The following MYO5B variants were observed in gnomAD, a reference collection of about 807,000 sequenced individuals.
MYO5B encodes the protein unconventional myosin-Vb.
MYO5B carries 143 observed loss-of-function variants against 229.3 expected under a neutral mutation model. That is an observed-to-expected ratio of 0.62 (90% CI 0.54 to 0.72). The LOEUF is 0.72. Among genes scored for constraint, MYO5B ranks in the 30% least tolerant of loss-of-function variants. MYO5B has a pLI of 0.00. For missense variants in MYO5B, 2,321 were observed against 2,331.0 expected, an observed-to-expected ratio of 1.00 and a Z score of 0.09; for synonymous variants, 918 against 885.2, an observed-to-expected ratio of 1.04 and a Z score of -0.66.
chr18:50,164,607 T>G (rs1179070518), intron 1 of MYO5B, among the ~76,000 whole-genome samples: 3 of 152,002 alleles, frequency 2.0e-5, no homozygotes, highest in African/African-American at 7.3e-5. Context: ...TTTAATCAAG[T>G]GTCAGGATAC....
intron 16 of MYO5B, among the ~76,000 whole-genome samples, chr18:49,935,766 T>C (rs956883755): frequency 3.1e-4 from 47 of 151,958 alleles, no homozygotes; most frequent in African/African-American, 1.0e-3. Flanking sequence ...TCAGAGTAGG[T>C]TGAGGAGTGA....
chr18:49,995,697 C>G (rs922999493), intron 5 of MYO5B, among the ~76,000 whole-genome samples: 10 of 152,186 alleles, frequency 6.6e-5, no homozygotes, highest in African/African-American at 2.4e-4. Context: ...GGGGACGTTT[C>G]TCTGCACAGA....
intron 16 of MYO5B, 56 bp from the exon 17 acceptor site, chr18:49,929,654 T>C: frequency 2.8e-6 from 4 of 1,452,946 alleles, no homozygotes; most frequent in Middle Eastern, 2.0e-4. Context: ...TGGCCACATT[T>C]GCAAAAAAGA....
Position 49,878,976 on chromosome 18 carries a change from T to G in MYO5B, c.3245A>C (p.Asp1082Ala). 1 of 1,614,182 alleles carries G rather than the reference T, an allele frequency of 6.2e-7. No individual in the cohort carries two copies. The highest frequency in any genetic ancestry group is 8.5e-7 in the Non-Finnish European group (1 of 1,180,018). The change falls in exon 24 of 40, where the codon GAC becomes GCC. Residue 1082 changes from aspartate to alanine, a missense_variant. Asp to Ala is a moderately radical substitution (Grantham distance 126). This residue lies in a region of MYO5B where 2,113 missense variants were observed against 2,044.7 expected (regional missense o/e 1.03). Transcript: ENST00000285039. ...GATGGTCATTTCATCCCGAAGGTTG[T>G]CGTATCTCTGCTCCAACTGTGAATA... ...KEYSQLEQRY[D>A]NLRDEMTIIK... is the part of the protein sequence containing the mutation.
chr18:50,098,553 A>T (rs543709936), intron 1 of MYO5B, among the ~76,000 whole-genome samples: 77 of 152,340 alleles, frequency 5.1e-4, no homozygotes, highest in African/African-American at 1.7e-3. Flanking sequence ...GAAAAGGTAA[A>T]TGTCCAACTG....
intron 1 of MYO5B, among the ~76,000 whole-genome samples, chr18:50,155,992 AGTC>A (rs2032672499): frequency 6.6e-6 from 1 of 152,244 alleles, no homozygotes; most frequent in South Asian, 2.1e-4. Flanking sequence ...GGCCTGCCAC[AGTC>A]GTGCACAATG....
chr18:50,129,862 T>C (rs2032226398), intron 1 of MYO5B, among the ~76,000 whole-genome samples: 1 of 152,230 alleles, frequency 6.6e-6, no homozygotes, highest in African/African-American at 2.4e-5. Context: ...GGGCTTTGTT[T>C]TGTCTCCTGA....
Position 49,856,738 on chromosome 18 carries a change from T to C in MYO5B, c.4022+75A>G. On this transcript the variant is annotated intron_variant, in intron 30 of 39. Coordinates refer to ENST00000285039, the MANE Select transcript of MYO5B (RefSeq NM_001080467.3). ...CCCGTGCTCTCGCACCCACTGTAGC[T>C]GAAAAACGGTTAAGCATAGACATGA... 2.3e-6 allele frequency: 3 copies of C among 1,294,672 alleles called. No individual in the cohort carries two copies. The South Asian group carries it at 3.6e-5, about 15-fold the overall frequency. The allele number at this position is 1,294,672 out of a possible 1,614,324, so 80.2% of individuals were successfully genotyped here. A position where few individuals can be genotyped will look rare whatever the true frequency, so the allele number is the denominator to read the frequency against.
Position 49,984,743 on chromosome 18 carries a change from C to A in MYO5B, c.921G>T (p.Lys307Asn), listed in dbSNP as rs17659179. 91,202 of 1,612,904 alleles carry A rather than the reference C, an allele frequency of 0.057. 2,840 individuals are homozygous for A. The highest frequency in any genetic ancestry group is 0.063 in the Non-Finnish European group (74,789 of 1,178,888). ...EGVDDAEDFE[K>N]TRQAFTLLGV... ...CGAGGAGTGTGAAGGCTTGTCGAGT[C>A]TTCTCAAAGTCCTCAGCATCGTCCA... Residue 307 changes from lysine to asparagine, a missense_variant, in exon 8 of 40, where the codon AAG (lysine) becomes AAT (asparagine). By Grantham distance (94) the Lys-to-Asn change is moderately conservative. Coordinates refer to ENST00000285039, the MANE Select transcript of MYO5B (RefSeq NM_001080467.3).
chr18:50,144,982 A>G (rs2032476873), intron 1 of MYO5B, among the ~76,000 whole-genome samples: 3 of 152,122 alleles, frequency 2.0e-5, no homozygotes, highest in South Asian at 4.1e-4. Flanking sequence ...AGGGCTCAAT[A>G]CAGGCCTTGA....
intron 1 of MYO5B, among the ~76,000 whole-genome samples, chr18:50,084,790 C>G (rs918729464): frequency 6.6e-6 from 1 of 152,080 alleles, no homozygotes; most frequent in African/African-American, 2.4e-5. Context: ...CTTTGACAAA[C>G]CTGAGAAAAA....
At chr18:50,086,961 C>T (rs886548751) in intron 1 of MYO5B, among the ~76,000 whole-genome samples, 6 of 152,124 alleles carry the variant, frequency 3.9e-5, no homozygotes, top group East Asian at 1.9e-4. Flanking sequence ...ATCCCCAAAT[C>T]GGACTGACTG....
intron 12 of MYO5B, among the ~76,000 whole-genome samples, chr18:49,956,308 T>C (rs996814493): frequency 1.3e-5 from 2 of 152,250 alleles, no homozygotes; most frequent in Non-Finnish European, 2.9e-5. Flanking sequence ...CTAGGTGCTA[T>C]GTTTGTAAAC....
At chr18:50,006,941 C>T (rs992981501) in intron 4 of MYO5B, among the ~76,000 whole-genome samples, 4 of 152,176 alleles carry the variant, frequency 2.6e-5, no homozygotes, top group Admixed American at 1.3e-4. Context: ...AGAACCCACA[C>T]GGCAGCACTA....
chr18:49,900,000 A>T (rs2024823008), intron 21 of MYO5B, among the ~76,000 whole-genome samples: 1 of 152,028 alleles, frequency 6.6e-6, no homozygotes, highest in African/African-American at 2.4e-5. Flanking sequence ...AAAATGCTAG[A>T]TTTATTTTTA....
chr18:50,069,014 T>C (rs2030889052), intron 1 of MYO5B, among the ~76,000 whole-genome samples: 1 of 152,072 alleles, frequency 6.6e-6, no homozygotes, highest in African/African-American at 2.4e-5. Flanking sequence ...GTTTAGTGCT[T>C]TGTTTTCAGA....
Position 49,912,159 on chromosome 18 carries a change from T to C in MYO5B, c.2105A>G (p.Asp702Gly). 6.2e-7 allele frequency: 1 copy of C among 1,613,904 alleles called. No individual in the cohort carries two copies. Among genetic ancestry groups the C allele is most frequent in the South Asian group, 1.1e-5 (1 of 91,062 alleles). Residue 702 changes from aspartate to glycine, a missense_variant, in exon 18 of 40, where the codon GAC becomes GGC. Physicochemically the swap from Asp to Gly is moderately conservative, Grantham distance 94 (BLOSUM62 -1). Transcript: ENST00000285039. ...AGYPSRWAYH[D>G]FFNRYRVLVK... ...CAGCACCCGATACCGGTTGAAAAAG[T>C]CATGGTAGGCCCACCTGGAGGGAAA...
At chr18:50,145,960 G>A (rs747564311) in intron 1 of MYO5B, among the ~76,000 whole-genome samples, 17 of 152,180 alleles carry the variant, frequency 1.1e-4, no homozygotes, top group Non-Finnish European at 1.5e-4. Flanking sequence ...GATACATTTC[G>A]AAGTATTTGT....
chr18:50,079,388 C>T (rs2031160537), intron 1 of MYO5B, among the ~76,000 whole-genome samples: 1 of 152,210 alleles, frequency 6.6e-6, no homozygotes, highest in Non-Finnish European at 1.5e-5. Flanking sequence ...CGCTGTCCCA[C>T]ACTCTCCAGG....
Sources: allele counts gnomAD v4.1 joint callset (sites outside exome capture counted in the v4.1 genomes callset), GRCh38; gene constraint gnomAD v4.1.1; regional missense constraint gnomAD v4.1.1; transcripts MANE v1.5; gene names NCBI Gene and HGNC (gene_info 2026-07-23, HGNC 2026-07-21).